Variants in CCDC144A observed in about 807,000 individuals in gnomAD.
CCDC144A encodes coiled-coil domain-containing protein 144A.
Under a neutral mutation model 143.8 loss-of-function variants are expected in CCDC144A, and 41 were observed. That is an observed-to-expected ratio of 0.29 (90% confidence interval 0.22 to 0.37). The LOEUF (loss-of-function observed/expected upper bound fraction) is 0.37, where lower values mean the gene tolerates loss of function less well. Among genes scored for constraint, CCDC144A ranks in the 10% least tolerant of loss-of-function variants. The pLI is 1.00. For synonymous variants in CCDC144A, 242 were observed against 517.9 expected, an observed-to-expected ratio of 0.47 and a Z score of 7.23; for missense variants, 637 against 1,488.8, an observed-to-expected ratio of 0.43 and a Z score of 9.41.
the CCDC144A span, among the ~76,000 whole-genome samples, chr17:16,674,978 G>C: frequency 2.6e-5 from 4 of 151,642 alleles, no homozygotes; most frequent in Non-Finnish European, 4.4e-5. Context: ...CATTGAAATG[G>C]ATTTTTTAGG....
intron 2 of CCDC144A, among the ~76,000 whole-genome samples, chr17:16,702,609 TG>T (rs967905111): frequency 3.3e-5 from 5 of 152,132 alleles, no homozygotes; most frequent in Admixed American, 3.3e-4. Context: ...CCCTTATCCA[TG>T]GGGGATATGT....
chr17:16,739,428 C>G (rs1914161357), intron 12 of CCDC144A, among the ~76,000 whole-genome samples: 1 of 150,290 alleles, frequency 6.7e-6, no homozygotes, highest in Admixed American at 6.6e-5. Flanking sequence ...TCTTGATGGT[C>G]TCTGTTCAAG....
At position 16,734,982 on chromosome 17, in the gene CCDC144A, A is replaced by G. The variant is rs201842501; in HGVS notation, c.2711A>G (p.Gln904Arg). ...AATTCTGAACTGGAGAATGGGAAAC[A>G]GAACCAAGAAAGACTAGAAATAGAA... ...ILNSELENGK[Q>R]NQERLEIEME... The change falls in exon 12 of 17, where the codon CAG (glutamine) becomes CGG (arginine). Residue 904 changes from glutamine (Q) to arginine (R), a missense_variant. Gln to Arg is a conservative substitution (Grantham distance 43, BLOSUM62 1). Transcript: ENST00000399273. 265 of 1,607,924 alleles carry G rather than the reference A, an allele frequency of 1.6e-4. 1 individual carries two copies. In the African/African-American group the frequency reaches 3.1e-3, roughly 19 times the overall value.
At chr17:16,741,268 C>T (rs949354127) in intron 12 of CCDC144A, among the ~76,000 whole-genome samples, 20 of 152,180 alleles carry the variant, frequency 1.3e-4, no homozygotes, top group Non-Finnish European at 5.9e-5. Context: ...GCCTCTGCTC[C>T]CTTCAGCTTC....
At chr17:16,701,162 CAGTG>C (rs1270789994) in intron 2 of CCDC144A, among the ~76,000 whole-genome samples, 6 of 151,776 alleles carry the variant, frequency 4.0e-5, no homozygotes, top group African/African-American at 1.4e-4. Flanking sequence ...ATAGCAAGTT[CAGTG>C]AGTATGTGCT....
intron 15 of CCDC144A, among the ~76,000 whole-genome samples, chr17:16,770,396 G>T (rs552787972): frequency 2.6e-5 from 4 of 152,048 alleles, no homozygotes; most frequent in African/African-American, 9.7e-5. Flanking sequence ...TGATCCTCCC[G>T]CCTCGGCCTC....
the CCDC144A span, among the ~76,000 whole-genome samples, chr17:16,677,012 T>C: frequency 1.3e-5 from 2 of 152,102 alleles, no homozygotes; most frequent in South Asian, 2.1e-4. Context: ...AACCCAGGAA[T>C]ATACATTGAA....
chr17:16,707,198 T>C, intron 3 of CCDC144A: 1 of 362,610 alleles, frequency 2.8e-6, no homozygotes, highest in African/African-American at 2.2e-5. Context: ...TGTTCATTGA[T>C]GTTGGGTGGA....
intron 3 of CCDC144A, chr17:16,706,369 A>G (rs1912060457): frequency 1.4e-5 from 2 of 143,764 alleles, no homozygotes; most frequent in East Asian, 2.0e-4. Context: ...AGCATCTTAA[A>G]GTTGTACGTA....
At position 16,695,932 on chromosome 17, in the gene CCDC144A, G is replaced by A. The variant is rs1208200864; in HGVS notation, c.415+2883G>A. Reference sequence around the variant, plus strand: ...TAAGATGCTTGAGTGAACTTTGCAGGGTTTATGAGCAGTTCAGTTTTGCCA... The same window carrying A: ...TAAGATGCTTGAGTGAACTTTGCAGAGTTTATGAGCAGTTCAGTTTTGCCA... On this transcript the variant is annotated intron_variant, in intron 2 of 16. Transcript: ENST00000399273. Among the ~76,000 whole-genome samples, 3 of 152,070 alleles carry A rather than the reference G, an allele frequency of 2.0e-5. No individual in the cohort carries two copies. In the East Asian group the frequency reaches 5.8e-4, roughly 29 times the overall value.
rs1393957989 is a variant in CCDC144A at position 16,709,505 on chromosome 17, C to A, written c.1448C>A (p.Ser483Tyr). 1 of 1,611,464 alleles carries A rather than the reference C, an allele frequency of 6.2e-7. No individual in the cohort carries two copies. Among genetic ancestry groups the A allele is most frequent in the African/African-American group, 1.3e-5 (1 of 74,820 alleles). Residue 483 changes from serine to tyrosine, a missense_variant, in exon 5 of 17, where the codon TCT becomes TAT. Ser to Tyr is a moderately radical substitution (Grantham distance 144). Transcript: ENST00000399273. ...AATCTGAGTTCTTTACCACCAGATT[C>A]TGACAGAACATCAGAAGTATATCTA... ...LENLSSLPPD[S>Y]DRTSEVYLHE...
chr17:16,725,538 C>T (rs1410997401), intron 8 of CCDC144A, among the ~76,000 whole-genome samples: 1 of 151,682 alleles, frequency 6.6e-6, no homozygotes, highest in African/African-American at 2.4e-5. Flanking sequence ...AAAACCCAAA[C>T]ATTGTATGTT....
the CCDC144A span, among the ~76,000 whole-genome samples, chr17:16,679,933 G>GA: frequency 6.6e-6 from 1 of 151,996 alleles, no homozygotes; most frequent in African/African-American, 2.4e-5. Context: ...TCTTTTAAGT[G>GA]AAAAATGTTT....
At chr17:16,675,155 G>C in the CCDC144A span, among the ~76,000 whole-genome samples, 1 of 151,608 alleles carries the variant, frequency 6.6e-6, no homozygotes, top group Non-Finnish European at 1.5e-5. Flanking sequence ...TGTAATACCA[G>C]CTACTGGGGA....
chr17:16,748,237 A>G (rs1179599217), intron 12 of CCDC144A, among the ~76,000 whole-genome samples: 25 of 151,938 alleles, frequency 1.6e-4, no homozygotes, highest in Admixed American at 1.6e-3. Context: ...TTTGTTATAG[A>G]GTGGCCTTTA....
chr17:16,683,953 G>A, the CCDC144A span: 1 of 1,203,306 alleles, frequency 8.3e-7, no homozygotes, highest in African/African-American at 1.5e-5. Flanking sequence ...ACTGGGGGCC[G>A]GGCTATCCTT....
chr17:16,699,499 C>T (rs1911605391), intron 2 of CCDC144A, among the ~76,000 whole-genome samples: 1 of 47,542 alleles, frequency 2.1e-5, no homozygotes, highest in Non-Finnish European at 3.9e-5. Flanking sequence ...CCTCAGCCTC[C>T]TGAGTAGCTG....
chr17:16,767,709 A>G (rs1263413122), intron 15 of CCDC144A, among the ~76,000 whole-genome samples: 2 of 152,260 alleles, frequency 1.3e-5, no homozygotes, highest in Non-Finnish European at 2.9e-5. Context: ...TATCATACTC[A>G]GCATTTTCTC....
At chr17:16,733,360 A>G (rs1183399638) in intron 11 of CCDC144A, among the ~76,000 whole-genome samples, 22 of 146,792 alleles carry the variant, frequency 1.5e-4, no homozygotes, top group Non-Finnish European at 3.2e-4. Context: ...AAAATTAGCC[A>G]GGCGTGGTGG....
Sources: allele counts gnomAD v4.1 joint callset (sites outside exome capture counted in the v4.1 genomes callset), GRCh38; gene constraint gnomAD v4.1.1; transcripts MANE v1.5; gene names NCBI Gene and HGNC (gene_info 2026-07-23, HGNC 2026-07-21).